COX17: variants seen among roughly 807,000 people sequenced by gnomAD.
The protein encoded by COX17 is cytochrome c oxidase copper chaperone.
COX17 carries 1 observed loss-of-function variant against 6.3 expected under a neutral mutation model. The observed-to-expected ratio is 0.16, with a 90% CI of 0.06 to 0.75. The LOEUF (loss-of-function observed/expected upper bound fraction) is 0.75. COX17 is among the 30% of genes least tolerant of loss of function. The pLI is 0.77. For synonymous variants in COX17, 26 were observed against 30.5 expected (o/e 0.85, Z 0.49); for missense variants, 73 against 81.2 (o/e 0.90, Z 0.39).
downstream of COX17, among the ~76,000 whole-genome samples, chr3:119,666,293 G>T (rs16830291): frequency 0.28 from 42,916 of 152,034 alleles, 6,795 homozygotes; most frequent in Admixed American, 0.36. Context: ...TCTCTCTTCC[G>T]CTGGACTTTA....
intron 2 of COX17, 65 bp downstream of exon 2, chr3:119,675,080 G>A: frequency 8.9e-7 from 1 of 1,128,230 alleles, no homozygotes; most frequent in Non-Finnish European, 1.3e-6. Flanking sequence ...ACCTTTCAGA[G>A]AGAATGTAGC....
intron 2 of COX17, among the ~76,000 whole-genome samples, chr3:119,673,603 G>A (rs2053066601): frequency 1.3e-5 from 2 of 152,220 alleles, no homozygotes; most frequent in South Asian, 2.1e-4. Flanking sequence ...ACAGCACCAT[G>A]ATAGAGTGAT....
intron 2 of COX17, 77 bp downstream of exon 2, chr3:119,675,068 C>T: frequency 5.9e-6 from 6 of 1,025,048 alleles, no homozygotes; most frequent in Non-Finnish European, 9.1e-6. Flanking sequence ...ACCAGGTGAA[C>T]TACCTTTCAG....
At chr3:119,676,947 C>T in intron 1 of COX17, 1 of 689,760 alleles carries the variant, frequency 1.4e-6, no homozygotes, top group Non-Finnish European at 2.6e-6. Flanking sequence ...GATAAGTCAA[C>T]AGAGACCCGA....
chr3:119,669,919 G>A (rs963470592), intron 2 of COX17, among the ~76,000 whole-genome samples: 7 of 152,130 alleles, frequency 4.6e-5, no homozygotes, highest in Non-Finnish European at 8.8e-5. Flanking sequence ...CTCTCTCTGC[G>A]TGTATATATA....
At chr3:119,674,871 T>C (rs1224634848) in intron 2 of COX17, 2 of 365,614 alleles carry the variant, frequency 5.5e-6, no homozygotes, top group South Asian at 6.3e-5. Context: ...ATGTTTCTTT[T>C]AGTTCCCTCA....
At chr3:119,668,752 T>C (rs491166), downstream of COX17, among the ~76,000 whole-genome samples, 136,972 of 151,954 alleles carry the variant, frequency 0.9, 63,441 homozygotes, top group East Asian at 1. Flanking sequence ...ATGAACATTA[T>C]ACATCCTCTT....
downstream of COX17, chr3:119,666,986 TAA>T (rs2052998562): frequency 2.0e-5 from 3 of 152,278 alleles, no homozygotes; most frequent in South Asian, 6.2e-4. Context: ...TACTCACCTG[TAA>T]AATAAGGACC....
chr3:119,668,787 T>A (rs138256230), downstream of COX17, among the ~76,000 whole-genome samples: 207 of 152,190 alleles, frequency 1.4e-3, no homozygotes, highest in African/African-American at 4.7e-3. Flanking sequence ...TATCTTTTGT[T>A]CTTGAGATTT....
At chr3:119,665,360 C>G (rs769033431), downstream of COX17, 6 of 152,166 alleles carry the variant, frequency 3.9e-5, no homozygotes, top group African/African-American at 1.4e-4. Context: ...AAAAATAGAA[C>G]AAGCCTAGGT....
chr3:119,670,179 T>C (rs2053030287), intron 2 of COX17, among the ~76,000 whole-genome samples: 1 of 152,058 alleles, frequency 6.6e-6, no homozygotes, highest in Non-Finnish European at 1.5e-5. Context: ...TAATATTCAT[T>C]TGGAAAAATC....
chr3:119,671,572 TG>T (rs1351116092), intron 2 of COX17, among the ~76,000 whole-genome samples: 1 of 152,224 alleles, frequency 6.6e-6, no homozygotes, highest in Non-Finnish European at 1.5e-5. Flanking sequence ...ACAGTTGTGT[TG>T]GATTTCACCC....
intron 2 of COX17, chr3:119,674,673 C>A: frequency 6.4e-6 from 1 of 156,370 alleles, no homozygotes; most frequent in South Asian, 1.9e-4. Flanking sequence ...TGGCCCACAC[C>A]TGTAGTCCCA....
intron 3 of COX17, among the ~76,000 whole-genome samples, chr3:119,664,058 T>C (rs1219398024): frequency 1.3e-5 from 2 of 152,210 alleles, no homozygotes; most frequent in East Asian, 1.9e-4. Flanking sequence ...GATATAAAGA[T>C]GAATAAGACA....
At chr3:119,672,468 T>A (rs898731886) in intron 2 of COX17, among the ~76,000 whole-genome samples, 1 of 152,212 alleles carries the variant, frequency 6.6e-6, no homozygotes, top group Non-Finnish European at 1.5e-5. Context: ...TCTTTTTATT[T>A]AATCACCCCT....
At position 119,677,234 on chromosome 3, in the gene COX17, C is replaced by A. The variant is rs776062046; in HGVS notation, c.77G>T (p.Cys26Phe). The A allele has an allele frequency of 2.5e-6, 4 of 1,611,858 alleles. No individual in the cohort carries two copies. In the Admixed American group the frequency reaches 6.7e-5, roughly 27 times the overall value. Residue 26 changes from cysteine to phenylalanine, a missense_variant, in exon 1 of 3, where the codon TGC (cysteine) becomes TTC (phenylalanine). Coordinates refer to ENST00000261070, the MANE Select transcript of COX17 (RefSeq NM_005694.2). ...ATCGCGCGCCTTCTTGGTCTCCGGG[C>A]AAGCGCAGCAGGGCTTCAGCGGCTT... is the stretch of plus-strand genomic sequence containing the variant. ...EKKPLKPCCA[C>F]PETKKARDAC...
At chr3:119,668,345 T>C (rs1397350195), downstream of COX17, among the ~76,000 whole-genome samples, 1 of 152,182 alleles carries the variant, frequency 6.6e-6, no homozygotes, top group Non-Finnish European at 1.5e-5. Flanking sequence ...CCTGTCTTAA[T>C]TGTCCAAGAT....
chr3:119,674,239 A>C (rs1391206087), intron 2 of COX17: 1 of 149,454 alleles, frequency 6.7e-6, no homozygotes, highest in Non-Finnish European at 1.5e-5. Context: ...GGAAGTGAAG[A>C]GCACCACTGC....
chr3:119,677,068 AGGAAGAG>A (rs1333425049), intron 1 of COX17, 129 bp downstream of exon 1: 1 of 633,748 alleles, frequency 1.6e-6, no homozygotes, highest in African/African-American at 2.0e-5. Flanking sequence ...GAAGGGGGGA[AGGAAGAG>A]GGCAGAGGGC....
Sources: gnomAD v4.1 joint callset for allele counts (sites outside exome capture counted in the v4.1 genomes callset) on GRCh38, gnomAD v4.1.1 for gene constraint, MANE v1.5 for transcripts, NCBI Gene and HGNC (gene_info 2026-07-23, HGNC 2026-07-21) for gene names.